SCGB2B2: variants seen among roughly 807,000 people sequenced by gnomAD.
The protein encoded by SCGB2B2 is secretoglobin-like protein.
In SCGB2B2, 11 loss-of-function variants were observed where a neutral mutation model predicts 7.6. That is an observed-to-expected ratio of 1.45 (90% confidence interval 0.91 to 2.40). SCGB2B2 has a LOEUF of 2.40. SCGB2B2 is among the 30% of genes most tolerant of loss of function. SCGB2B2 has a pLI of 0.00. For missense variants in SCGB2B2, 104 were observed against 115.4 expected (o/e 0.90, Z 0.45); for synonymous variants, 50 against 48.6 (o/e 1.03, Z -0.12).
chr19:34,618,952 T>C lies in SCGB2B2; in HGVS notation c.-2031-22358A>G, dbSNP rs144334693. Among the ~76,000 whole-genome samples the C allele has an allele frequency of 4.0e-3, 608 of 152,350 alleles. 2 individuals are homozygous for C. Among genetic ancestry groups the C allele is most frequent in the Middle Eastern group, 0.017 (5 of 294 alleles). On this transcript the variant is annotated intron_variant, in intron 1 of 3. Coordinates refer to ENST00000601241, the MANE Select transcript of SCGB2B2 (RefSeq NM_001025591.4). Reference sequence around the variant, plus strand: ...CAAGTCAAACAATTATTTAAAGTCATAGAAGCAGTTTATGGCCTTAAAACA... The same window carrying C: ...CAAGTCAAACAATTATTTAAAGTCACAGAAGCAGTTTATGGCCTTAAAACA...
At position 34,667,257 on chromosome 19, in the gene SCGB2B2, C is replaced by G. The variant is rs574121606; in HGVS notation, c.-2032+8373G>C. 6.6e-5 allele frequency among the ~76,000 whole-genome samples: 10 copies of G among 152,326 alleles called. No homozygotes were observed. The East Asian group carries it at 1.9e-3, about 30-fold the overall frequency. On this transcript the variant is annotated intron_variant, in intron 1 of 3. Transcript: ENST00000601241. ...TCCGCCCTCTGATACTCAACCTCTG[C>G]TGTCAACCCCATCCTATCCCTCCTT... is the stretch of plus-strand genomic sequence containing the variant.
intron 1 of SCGB2B2, among the ~76,000 whole-genome samples, chr19:34,626,437 C>A (rs10425908): frequency 6.6e-6 from 1 of 152,034 alleles, no homozygotes. Flanking sequence ...CTGAAAACCA[C>A]GGCATGAGAA....
intron 1 of SCGB2B2, among the ~76,000 whole-genome samples, chr19:34,673,627 G>A (rs1221301043): frequency 6.6e-6 from 1 of 152,158 alleles, no homozygotes; most frequent in African/African-American, 2.4e-5. Flanking sequence ...GTGTGGGTGA[G>A]CAGGCAGAAT....
chr19:34,605,801 T>A (rs932666306), intron 1 of SCGB2B2, among the ~76,000 whole-genome samples: 3 of 151,990 alleles, frequency 2.0e-5, no homozygotes, highest in African/African-American at 2.4e-5. Flanking sequence ...TCCATGTTGG[T>A]CAGGCTGGTC....
At chr19:34,618,459 T>C (rs2066150826) in intron 1 of SCGB2B2, among the ~76,000 whole-genome samples, 1 of 152,212 alleles carries the variant, frequency 6.6e-6, no homozygotes, top group African/African-American at 2.4e-5. Flanking sequence ...AGAAATTAAA[T>C]AATGCCCTTC....
intron 1 of SCGB2B2, among the ~76,000 whole-genome samples, chr19:34,670,438 G>A (rs756599360): frequency 3.3e-5 from 5 of 152,106 alleles, no homozygotes; most frequent in African/African-American, 7.2e-5. Context: ...CACTATTCCC[G>A]TTTGGTGTGC....
At chr19:34,662,234 C>A (rs1397570541) in intron 1 of SCGB2B2, among the ~76,000 whole-genome samples, 2 of 151,778 alleles carry the variant, frequency 1.3e-5, no homozygotes, top group Admixed American at 1.3e-4. Flanking sequence ...TCAGTGTGGC[C>A]CGTGGAAGCC....
intron 1 of SCGB2B2, among the ~76,000 whole-genome samples, chr19:34,665,609 A>ATGTGTGTG (rs60068620): frequency 2.6e-5 from 4 of 151,576 alleles, no homozygotes; most frequent in African/African-American, 9.7e-5. Flanking sequence ...GGTGGGATGG[A>ATGTGTGTG]TGTGTGTGAC....
At chr19:34,613,092 ATTTTC>A (rs1378739574) in intron 1 of SCGB2B2, among the ~76,000 whole-genome samples, 1 of 98,952 alleles carries the variant, frequency 1.0e-5, no homozygotes, top group Non-Finnish European at 2.0e-5. Context: ...CCATCTCTTC[ATTTTC>A]TTTTCTTTTT....
At chr19:34,651,643 A>T (rs919742502) in intron 1 of SCGB2B2, among the ~76,000 whole-genome samples, 1 of 151,494 alleles carries the variant, frequency 6.6e-6, no homozygotes, top group African/African-American at 2.5e-5. Context: ...ACACCAAAAA[A>T]TGAAAACATA....
intron 1 of SCGB2B2, among the ~76,000 whole-genome samples, chr19:34,625,013 C>T (rs2066331158): frequency 6.6e-6 from 1 of 152,196 alleles, no homozygotes; most frequent in South Asian, 2.1e-4. Context: ...GTTTCCTTTC[C>T]TGGCCAATGC....
chr19:34,586,775 C>T (rs184345040), downstream of SCGB2B2, among the ~76,000 whole-genome samples: 74 of 152,324 alleles, frequency 4.9e-4, no homozygotes, highest in African/African-American at 9.1e-4. Context: ...ATTCCTTGTG[C>T]TGTGCTTTTG....
rs114351686 is a variant in SCGB2B2, at chr19:34,610,230, T to C, written c.-2031-13636A>G. Among the ~76,000 whole-genome samples the C allele has an allele frequency of 7.1e-3, 1,079 of 152,152 alleles. 15 individuals are homozygous for C. Among genetic ancestry groups the C allele is most frequent in the African/African-American group, 0.025 (1,024 of 41,530 alleles). ...TTCTTGGTCCTTTTAGGGTTTTCTATATACAAGATCATGTCATCTGCAAGC... is the reference window on the plus strand; with the variant it reads ...TTCTTGGTCCTTTTAGGGTTTTCTACATACAAGATCATGTCATCTGCAAGC... On this transcript the variant is annotated intron_variant, in intron 1 of 3. Coordinates refer to ENST00000601241, the MANE Select transcript of SCGB2B2 (RefSeq NM_001025591.4).
chr19:34,656,987 T>C (rs1002421725), intron 1 of SCGB2B2, among the ~76,000 whole-genome samples: 1 of 151,080 alleles, frequency 6.6e-6, no homozygotes, highest in South Asian at 2.1e-4. Flanking sequence ...TATATGAAGA[T>C]TGAGGAGGAA....
intron 3 of SCGB2B2, among the ~76,000 whole-genome samples, 198 bp downstream of exon 3, chr19:34,593,977 C>T (rs185242350): frequency 5.9e-5 from 9 of 151,840 alleles, no homozygotes; most frequent in African/African-American, 1.4e-4. Flanking sequence ...AGAGTTGCAG[C>T]GTCTGGGTCG....
chr19:34,625,754 C>G (rs1318458592), intron 1 of SCGB2B2, among the ~76,000 whole-genome samples: 4 of 152,218 alleles, frequency 2.6e-5, no homozygotes, highest in Non-Finnish European at 5.9e-5. Context: ...CCCTGTCTGA[C>G]AGCTTTGAAG....
chr19:34,614,770 CT>C (rs2066025311), intron 1 of SCGB2B2, among the ~76,000 whole-genome samples: 1 of 152,196 alleles, frequency 6.6e-6, no homozygotes, highest in Admixed American at 6.5e-5. Context: ...TAAAGTAAGA[CT>C]TTCCCCTCCA....
chr19:34,670,242 T>C (rs1047486959), intron 1 of SCGB2B2, among the ~76,000 whole-genome samples: 2 of 152,160 alleles, frequency 1.3e-5, no homozygotes, highest in African/African-American at 2.4e-5. Context: ...AAAGATGTCA[T>C]CATAAAATAC....
intron 1 of SCGB2B2, among the ~76,000 whole-genome samples, chr19:34,616,937 C>G (rs1366951614): frequency 1.3e-5 from 2 of 152,126 alleles, no homozygotes; most frequent in African/African-American, 4.8e-5. Flanking sequence ...ATTTATTAAA[C>G]AGGGAATCCT....
Sources: gnomAD v4.1 joint callset for allele counts (sites outside exome capture counted in the v4.1 genomes callset) on GRCh38, gnomAD v4.1.1 for gene constraint, MANE v1.5 for transcripts, NCBI Gene and HGNC (gene_info 2026-07-23, HGNC 2026-07-21) for gene names.